PPM1L: variants seen among roughly 807,000 people sequenced by gnomAD.
The protein encoded by PPM1L is protein phosphatase, Mg2+/Mn2+ dependent 1L.
In PPM1L, 13 loss-of-function variants were observed where a neutral mutation model predicts 31.4. The ratio of observed to expected loss-of-function variants is 0.41; its 90% CI spans 0.27 to 0.66. PPM1L has a LOEUF of 0.66. Among genes scored for constraint, PPM1L ranks in the 30% least tolerant of loss-of-function variants. The pLI is 0.29. For missense variants in PPM1L, 326 were observed against 453.7 expected, an observed-to-expected ratio of 0.72 and a Z score of 2.56; for synonymous variants, 184 against 175.4, an observed-to-expected ratio of 1.05 and a Z score of -0.39.
intron 2 of PPM1L, among the ~76,000 whole-genome samples, chr3:160,965,691 C>T (rs1050435873): frequency 2.0e-5 from 3 of 152,096 alleles, no homozygotes; most frequent in Admixed American, 2.0e-4. Context: ...CTAACATGCT[C>T]ATTTGCTTCA....
At chr3:161,013,130 A>G (rs987367598) in intron 2 of PPM1L, among the ~76,000 whole-genome samples, 7 of 152,152 alleles carry the variant, frequency 4.6e-5, no homozygotes, top group African/African-American at 1.4e-4. Flanking sequence ...TGTCAATTTT[A>G]GATCTTTCCT....
chr3:160,949,898 A>C (rs1715524729), intron 1 of PPM1L, among the ~76,000 whole-genome samples: 1 of 152,210 alleles, frequency 6.6e-6, no homozygotes. Context: ...AGAAGTTTTA[A>C]AACTATATGT....
chr3:160,903,293 G>A (rs1470459271), intron 1 of PPM1L, among the ~76,000 whole-genome samples: 1 of 151,318 alleles, frequency 6.6e-6, no homozygotes, highest in Non-Finnish European at 1.5e-5. Context: ...GGAGCTGGCA[G>A]ATCAAATTCT....
chr3:160,945,113 T>TTATC (rs58013795), intron 1 of PPM1L, among the ~76,000 whole-genome samples: 745 of 56,478 alleles, frequency 0.013, 43 homozygotes, highest in East Asian at 0.029. Context: ...AACATATATG[T>TTATC]TATCTATCTA....
Position 160,756,785 on chromosome 3 carries a change from GTGTGTA to G in PPM1L, c.399+80_399+85del, listed in dbSNP as rs1197499919. The G allele has an allele frequency of 2.5e-4, 344 of 1,392,234 alleles. No homozygotes were observed. The African/African-American group carries it at 4.9e-3, about 20-fold the overall frequency. 86.2% of individuals were successfully genotyped at this position (1,392,234 alleles called of 1,614,324 possible). On this transcript the variant is annotated intron_variant, in intron 1 of 3. Coordinates refer to ENST00000498165, the MANE Select transcript of PPM1L (RefSeq NM_139245.4). The surrounding 1 kb of genome is among the most constrained non-coding windows in gnomAD (Gnocchi z 6.2). ...TGTGTGTGTGTGTGTGTGTGTGTGTGTGTGTATAAACAACAGGACAGCGTGTGCGCA... is the reference window on the plus strand; with the variant it reads ...TGTGTGTGTGTGTGTGTGTGTGTGTGTAAACAACAGGACAGCGTGTGCGCA...
chr3:160,768,244 G>C (rs1427196218), intron 1 of PPM1L, among the ~76,000 whole-genome samples: 9 of 152,112 alleles, frequency 5.9e-5, no homozygotes, highest in Admixed American at 5.2e-4. Flanking sequence ...AGTGCCTAAG[G>C]CTTCACAGCT....
At chr3:161,019,363 T>A (rs57751828) in intron 2 of PPM1L, among the ~76,000 whole-genome samples, 3 of 151,954 alleles carry the variant, frequency 2.0e-5, no homozygotes, top group Non-Finnish European at 2.9e-5. Context: ...CTGGCTGATT[T>A]AAAAAATTTT....
chr3:160,834,471 ATGTGTGTG>A (rs150328470), intron 1 of PPM1L, among the ~76,000 whole-genome samples: 4,142 of 139,016 alleles, frequency 0.03, 141 homozygotes, highest in African/African-American at 0.08. Flanking sequence ...GTGTATGTGT[ATGTGTGTG>A]TGTGTGTGTG....
At chr3:161,050,937 GA>G (rs1719254703) in intron 2 of PPM1L, among the ~76,000 whole-genome samples, 1 of 152,172 alleles carries the variant, frequency 6.6e-6, no homozygotes, top group Non-Finnish European at 1.5e-5. Context: ...TTTTGAAAGT[GA>G]ATTACAAAGA....
At chr3:161,034,859 T>G (rs1370634890) in intron 2 of PPM1L, among the ~76,000 whole-genome samples, 1 of 133,320 alleles carries the variant, frequency 7.5e-6, no homozygotes, top group Admixed American at 7.5e-5. Flanking sequence ...AATAAAAAAA[T>G]AAAAGAAAAT....
chr3:160,768,129 T>G (rs934813522), intron 1 of PPM1L, among the ~76,000 whole-genome samples: 5 of 152,230 alleles, frequency 3.3e-5, no homozygotes, highest in Admixed American at 6.5e-5. Context: ...AGTTTTTACT[T>G]CTGGTTTATT....
At position 160,868,818 on chromosome 3, in the gene PPM1L, CT is replaced by C. The variant is rs550344350; in HGVS notation, c.400-92914del. Among the ~76,000 whole-genome samples, 30 of 151,648 alleles carry C rather than the reference CT, an allele frequency of 2.0e-4. 1 individual carries two copies. Among genetic ancestry groups the C allele is most frequent in the Admixed American group, 3.9e-4 (6 of 15,226 alleles). Reference sequence around the variant, plus strand: ...CATTTAATATGACAGTTAATTTCTTCTTTTCCAAAGGAGAAAATCACAACAG... The same window carrying C: ...CATTTAATATGACAGTTAATTTCTTCTTTCCAAAGGAGAAAATCACAACAG... On this transcript the variant is annotated intron_variant, in intron 1 of 3. Coordinates refer to ENST00000498165, the MANE Select transcript of PPM1L (RefSeq NM_139245.4).
intron 2 of PPM1L, among the ~76,000 whole-genome samples, chr3:160,978,721 C>T (rs556540881): frequency 2.6e-5 from 4 of 151,828 alleles, no homozygotes; most frequent in South Asian, 2.1e-4. Context: ...TCCCAGTTAC[C>T]CAGGAGGCTG....
intron 1 of PPM1L, among the ~76,000 whole-genome samples, chr3:160,847,609 C>G (rs1383051861): frequency 1.3e-5 from 2 of 152,112 alleles, no homozygotes; most frequent in Non-Finnish European, 2.9e-5. Context: ...GAAATACCTG[C>G]AAAAACTGCA....
intron 1 of PPM1L, among the ~76,000 whole-genome samples, chr3:160,850,832 G>A (rs947033050): frequency 6.6e-5 from 10 of 151,640 alleles, no homozygotes; most frequent in Admixed American, 1.3e-4. Flanking sequence ...ATTCCATAGA[G>A]GGAGAATCTT....
chr3:160,893,050 C>T (rs916725276), intron 1 of PPM1L, among the ~76,000 whole-genome samples: 11 of 151,990 alleles, frequency 7.2e-5, no homozygotes, highest in African/African-American at 2.7e-4. Flanking sequence ...TTATATTGTA[C>T]AATCATTGCA....
chr3:160,803,993 C>T (rs2108079710), intron 1 of PPM1L, among the ~76,000 whole-genome samples: 1 of 152,328 alleles, frequency 6.6e-6, no homozygotes, highest in Middle Eastern at 3.4e-3. Context: ...TCTCCGCTCA[C>T]TGCAAGCTGC....
rs1720150424 is a variant in PPM1L, at chr3:161,077,709, C to T, written c.*8552C>T. 6.6e-6 allele frequency: 1 copy of T among 152,142 alleles called. No homozygotes were observed. The highest frequency in any genetic ancestry group is 1.5e-5 in the Non-Finnish European group (1 of 68,042). The allele number at this position is 152,142 out of a possible 1,614,324, so 9.4% of individuals were successfully genotyped here. On this transcript the variant is annotated 3_prime_UTR_variant, in exon 4 of 4. Coordinates refer to ENST00000498165, the MANE Select transcript of PPM1L (RefSeq NM_139245.4). ...CAAATATGAACAGAAGACTAAATGT[C>T]ATTTTTTTAAATCATAAATTTGGTA...
intron 2 of PPM1L, among the ~76,000 whole-genome samples, chr3:161,055,913 A>G (rs881453): frequency 0.17 from 26,049 of 152,080 alleles, 3,175 homozygotes; most frequent in African/African-American, 0.34. Flanking sequence ...TGCATTATCA[A>G]GCAAGGCTTA....
Sources: gnomAD v4.1 joint callset for allele counts (sites outside exome capture counted in the v4.1 genomes callset) on GRCh38, gnomAD v4.1.1 for gene constraint, Gnocchi (gnomAD v3.1) non-coding constraint, MANE v1.5 for transcripts, NCBI Gene and HGNC (gene_info 2026-07-23, HGNC 2026-07-21) for gene names.